ASAP1: variants seen among roughly 807,000 people sequenced by gnomAD.
The protein encoded by ASAP1 is ArfGAP with SH3 domain, ankyrin repeat and PH domain 1.
Under a neutral mutation model 145.2 loss-of-function variants are expected in ASAP1, and 43 were observed. The ratio of observed to expected loss-of-function variants is 0.30; its 90% confidence interval spans 0.23 to 0.38. ASAP1 has a LOEUF of 0.38. ASAP1 is among the 10% of genes least tolerant of loss of function. ASAP1 has a pLI of 1.00. For missense variants in ASAP1, 1,018 were observed against 1,355.3 expected, an observed-to-expected ratio of 0.75 and a Z score of 3.91; for synonymous variants, 546 against 515.5, an observed-to-expected ratio of 1.06 and a Z score of -0.80.
intron 4 of ASAP1, among the ~76,000 whole-genome samples, chr8:130,235,800 C>T (rs1467653036): frequency 1.3e-5 from 2 of 152,032 alleles, no homozygotes; most frequent in Non-Finnish European, 2.9e-5. Context: ...TAGGGATTCC[C>T]AGCTCTGATG....
intron 23 of ASAP1, among the ~76,000 whole-genome samples, chr8:130,112,576 A>T (rs2097548620): frequency 6.6e-6 from 1 of 152,238 alleles, no homozygotes; most frequent in African/African-American, 2.4e-5. Context: ...CAGTGTCAGA[A>T]GCACAGTAAG....
intron 3 of ASAP1, among the ~76,000 whole-genome samples, chr8:130,246,122 G>A (rs1192064407): frequency 6.6e-6 from 1 of 152,032 alleles, no homozygotes; most frequent in Non-Finnish European, 1.5e-5. Context: ...AGTCCTACAT[G>A]TAACACGGGC....
intron 3 of ASAP1, among the ~76,000 whole-genome samples, chr8:130,322,459 C>G (rs1824067625): frequency 6.6e-6 from 1 of 152,150 alleles, no homozygotes; most frequent in South Asian, 2.1e-4. Flanking sequence ...CCCAAACTGC[C>G]TCATTTTACC....
chr8:130,091,363 G>A (rs1267192185), intron 25 of ASAP1, among the ~76,000 whole-genome samples: 1 of 152,186 alleles, frequency 6.6e-6, no homozygotes, highest in Non-Finnish European at 1.5e-5. Context: ...AGGATGAAAG[G>A]GAAGCAGCTG....
At chr8:130,082,367 A>C (rs1418301587) in intron 25 of ASAP1, among the ~76,000 whole-genome samples, 1 of 151,572 alleles carries the variant, frequency 6.6e-6, no homozygotes, top group Non-Finnish European at 1.5e-5. Flanking sequence ...TTTTTTTCTT[A>C]TTTTTTATTT....
chr8:130,278,400 T>C (rs577301394), intron 3 of ASAP1, among the ~76,000 whole-genome samples: 4 of 151,068 alleles, frequency 2.6e-5, no homozygotes, highest in Non-Finnish European at 4.4e-5. Flanking sequence ...AAAAAGAAAA[T>C]ATGACCCTAC....
At chr8:130,431,531 C>T (rs1830134481) in intron 1 of ASAP1, among the ~76,000 whole-genome samples, 1 of 152,214 alleles carries the variant, frequency 6.6e-6, no homozygotes, top group Non-Finnish European at 1.5e-5. Flanking sequence ...TCCCTTCCTT[C>T]CATTCTTTAC....
intron 13 of ASAP1, among the ~76,000 whole-genome samples, chr8:130,139,451 C>T (rs553615488): frequency 2.8e-4 from 43 of 152,158 alleles, no homozygotes; most frequent in African/African-American, 7.7e-4. Context: ...GCTGACCAGG[C>T]GTGGTGTCTC....
intron 1 of ASAP1, among the ~76,000 whole-genome samples, chr8:130,433,174 G>A (rs1262693044): frequency 6.6e-6 from 1 of 152,210 alleles, no homozygotes. Context: ...CTGTATCAGT[G>A]GAGGCATAGG....
At chr8:130,189,401 G>T (rs1814978173) in intron 5 of ASAP1, among the ~76,000 whole-genome samples, 1 of 151,974 alleles carries the variant, frequency 6.6e-6, no homozygotes. Flanking sequence ...TCCCACATGA[G>T]ACAGAACATG....
At position 130,305,811 on chromosome 8, in the gene ASAP1, AC is replaced by A. The variant is rs1822958338; in HGVS notation, c.186+52205del. Among the ~76,000 whole-genome samples the A allele has an allele frequency of 2.0e-5, 3 of 152,172 alleles. No individual in the cohort carries two copies. In the South Asian group the frequency reaches 6.2e-4, roughly 32 times the overall value. On this transcript the variant is annotated intron_variant, in intron 3 of 29. Coordinates refer to ENST00000518721, the MANE Select transcript of ASAP1 (RefSeq NM_018482.4). ...CCTTAAGCAACTCCAAAACTGGACC[AC>A]TCAAATGGACTTTACTACCAGCTGT... is the stretch of plus-strand genomic sequence containing the variant.
intron 2 of ASAP1, among the ~76,000 whole-genome samples, chr8:130,372,993 TAC>T (rs1478402436): frequency 6.8e-6 from 1 of 146,880 alleles, no homozygotes; most frequent in Non-Finnish European, 1.5e-5. Context: ...CGCACAGACA[TAC>T]ACAGACACAG....
At chr8:130,402,933 T>A (rs71522573) in intron 1 of ASAP1, among the ~76,000 whole-genome samples, 48,955 of 151,184 alleles carry the variant, frequency 0.32, 8,723 homozygotes, top group African/African-American at 0.46. Context: ...TTTTTTTTTT[T>A]AATCTTTTAT....
In ASAP1 at chr8:130,054,074, C is replaced by G. The variant is rs1377332427; in HGVS notation, c.*657G>C. On this transcript the variant is annotated 3_prime_UTR_variant, in exon 30 of 30. Coordinates refer to ENST00000518721, the MANE Select transcript of ASAP1 (RefSeq NM_018482.4). Reference sequence around the variant, plus strand: ...TGAGGTAATATATCAGGGGCGGGCACTCATAAGACAGTATAAATCCACTTG... The same window carrying G: ...TGAGGTAATATATCAGGGGCGGGCAGTCATAAGACAGTATAAATCCACTTG... The G allele has an allele frequency of 6.5e-6, 1 of 152,672 alleles. No individual in the cohort carries two copies. Among genetic ancestry groups the G allele is most frequent in the Non-Finnish European group, 1.5e-5 (1 of 68,082 alleles). The allele number at this position is 152,672 out of a possible 1,614,324, so 9.5% of individuals were successfully genotyped here. A position where few individuals can be genotyped will look rare whatever the true frequency, so the allele number is the denominator to read the frequency against.
chr8:130,279,414 A>G (rs1313364422), intron 3 of ASAP1, among the ~76,000 whole-genome samples: 2 of 152,192 alleles, frequency 1.3e-5, no homozygotes, highest in East Asian at 3.8e-4. Context: ...CACAAACCGC[A>G]GTGGATGTTA....
At chr8:130,058,591 G>C (rs562844244) in intron 28 of ASAP1, among the ~76,000 whole-genome samples, 15 of 152,180 alleles carry the variant, frequency 9.9e-5, no homozygotes, top group Non-Finnish European at 1.9e-4. Flanking sequence ...CCTGGGGCTC[G>C]GAGAAGTCTA....
At chr8:130,227,797 GT>G (rs1817672052) in intron 4 of ASAP1, among the ~76,000 whole-genome samples, 1 of 151,902 alleles carries the variant, frequency 6.6e-6, no homozygotes, top group Non-Finnish European at 1.5e-5. Flanking sequence ...AAGATTTTTT[GT>G]TTTAAGTTCA....
At chr8:130,077,402 G>C (rs2097465187) in intron 26 of ASAP1, among the ~76,000 whole-genome samples, 1 of 152,274 alleles carries the variant, frequency 6.6e-6, no homozygotes, top group Admixed American at 6.5e-5. Flanking sequence ...ATTCTCAGAG[G>C]ACACCAGGAG....
At chr8:130,212,479 G>T (rs1224475283) in intron 5 of ASAP1, among the ~76,000 whole-genome samples, 1 of 152,168 alleles carries the variant, frequency 6.6e-6, no homozygotes, top group African/African-American at 2.4e-5. Flanking sequence ...TATTGTAGAA[G>T]AGCAAAGGCA....
Sources: gnomAD v4.1 joint callset for allele counts (sites outside exome capture counted in the v4.1 genomes callset) on GRCh38, gnomAD v4.1.1 for gene constraint, MANE v1.5 for transcripts, NCBI Gene and HGNC (gene_info 2026-07-23, HGNC 2026-07-21) for gene names.